Variants in PCDH9 observed in about 807,000 individuals in gnomAD.
PCDH9 encodes the protein protocadherin 9.
Under a neutral mutation model 70.6 loss-of-function variants are expected in PCDH9, and 24 were observed. The ratio of observed to expected loss-of-function variants is 0.34; its 90% CI spans 0.25 to 0.48. The LOEUF (loss-of-function observed/expected upper bound fraction) is 0.48. PCDH9 is among the 20% of genes least tolerant of loss of function. The probability of loss-of-function intolerance (pLI) is 0.99; values close to 1 mark genes in which losing one functional copy is unlikely to be tolerated. For synonymous variants in PCDH9, 562 were observed against 558.5 expected (o/e 1.01, Z -0.09); for missense variants, 1,281 against 1,503.6 (o/e 0.85, Z 2.45).
At chr13:66,773,386 T>C (rs1704633950) in intron 3 of PCDH9, among the ~76,000 whole-genome samples, 1 of 152,076 alleles carries the variant, frequency 6.6e-6, no homozygotes, top group South Asian at 2.1e-4. Context: ...CCCAGTACTT[T>C]GGGAGGCCGG....
intron 4 of PCDH9, among the ~76,000 whole-genome samples, chr13:66,436,626 C>T (rs1957871813): frequency 1.3e-5 from 2 of 152,138 alleles, no homozygotes. Flanking sequence ...TCTAACTTTA[C>T]TTCTGAAGTG....
Position 66,636,547 on chromosome 13 carries a change from A to G in PCDH9, c.3139-5136T>C, listed in dbSNP as rs976993388. 9.2e-5 allele frequency among the ~76,000 whole-genome samples: 14 copies of G among 152,140 alleles called. No homozygotes were observed. The East Asian group carries it at 2.5e-3, about 27-fold the overall frequency. On this transcript the variant is annotated intron_variant, in intron 3 of 4. Transcript: ENST00000377865. ...CAGACATTTAAAATAATTATTGTCC[A>G]ATGGAATGTTATACATTGATATTAT... is the stretch of plus-strand genomic sequence containing the variant.
intron 2 of PCDH9, among the ~76,000 whole-genome samples, chr13:67,130,139 CT>C (rs1217614443): frequency 6.6e-6 from 1 of 152,058 alleles, no homozygotes; most frequent in Non-Finnish European, 1.5e-5. Context: ...GCCTACCAGA[CT>C]TAGATTTTCA....
intron 2 of PCDH9, among the ~76,000 whole-genome samples, chr13:67,192,138 A>T (rs2088933114): frequency 6.6e-6 from 1 of 152,140 alleles, no homozygotes; most frequent in Non-Finnish European, 1.5e-5. Flanking sequence ...GTACATATTA[A>T]AAATATAATA....
At chr13:66,410,797 C>T (rs1054304907) in intron 4 of PCDH9, among the ~76,000 whole-genome samples, 12 of 152,146 alleles carry the variant, frequency 7.9e-5, no homozygotes, top group South Asian at 6.2e-4. Context: ...AATAAAATGC[C>T]GATTTTTTTT....
intron 2 of PCDH9, among the ~76,000 whole-genome samples, chr13:67,006,610 G>A (rs986444155): frequency 6.6e-6 from 1 of 152,178 alleles, no homozygotes; most frequent in Non-Finnish European, 1.5e-5. Context: ...GCAGATTGGC[G>A]AAGGGATATA....
chr13:66,548,330 C>G (rs913422681), intron 4 of PCDH9, among the ~76,000 whole-genome samples: 2 of 151,832 alleles, frequency 1.3e-5, no homozygotes, highest in African/African-American at 4.8e-5. Flanking sequence ...TTTGGGAGGC[C>G]AAGGCGGGAG....
At chr13:66,578,381 T>A (rs1405465160) in intron 4 of PCDH9, among the ~76,000 whole-genome samples, 1 of 151,346 alleles carries the variant, frequency 6.6e-6, no homozygotes, top group African/African-American at 2.4e-5. Flanking sequence ...TGAGCTACAT[T>A]TTTTTTTTCG....
chr13:66,611,248 A>C (rs1027931154), intron 4 of PCDH9, among the ~76,000 whole-genome samples: 3 of 152,188 alleles, frequency 2.0e-5, no homozygotes, highest in African/African-American at 7.2e-5. Flanking sequence ...CTAACTGGCA[A>C]ATTCACCCAA....
intron 4 of PCDH9, among the ~76,000 whole-genome samples, chr13:66,372,891 A>T (rs1439580477): frequency 1.3e-5 from 2 of 151,936 alleles, no homozygotes; most frequent in African/African-American, 4.8e-5. Context: ...GGCTGGCTCT[A>T]GTGTTAGGGT....
chr13:66,398,002 G>C (rs141248296), intron 4 of PCDH9, among the ~76,000 whole-genome samples: 1 of 151,966 alleles, frequency 6.6e-6, no homozygotes, highest in African/African-American at 2.4e-5. Context: ...TGTAATCCTA[G>C]TTAATTCAGA....
chr13:66,903,657 C>A (rs1441539118), intron 2 of PCDH9, 52 bp from the exon 3 acceptor site: 1 of 765,724 alleles, frequency 1.3e-6, no homozygotes, highest in Non-Finnish European at 2.3e-6. Flanking sequence ...TTTAGAGTGT[C>A]CATTGAGAGA....
intron 2 of PCDH9, among the ~76,000 whole-genome samples, chr13:67,028,823 TAATCTATA>T (rs1223998052): frequency 6.6e-6 from 1 of 152,150 alleles, no homozygotes; most frequent in Non-Finnish European, 1.5e-5. Flanking sequence ...TTTTAATGAA[TAATCTATA>T]AATTTAAACA....
At chr13:67,121,760 G>A (rs943889567) in intron 2 of PCDH9, among the ~76,000 whole-genome samples, 1 of 152,142 alleles carries the variant, frequency 6.6e-6, no homozygotes, top group African/African-American at 2.4e-5. Flanking sequence ...GCATTTGGTA[G>A]TGCAAAAGAT....
At chr13:66,871,725 A>G (rs2081691118) in intron 3 of PCDH9, among the ~76,000 whole-genome samples, 1 of 152,070 alleles carries the variant, frequency 6.6e-6, no homozygotes, top group Non-Finnish European at 1.5e-5. Context: ...CATTATATAT[A>G]TTTGTTATAT....
intron 4 of PCDH9, among the ~76,000 whole-genome samples, chr13:66,543,050 C>G (rs1018372477): frequency 1.3e-5 from 2 of 151,644 alleles, no homozygotes; most frequent in South Asian, 4.2e-4. Flanking sequence ...GAGTGTTAAT[C>G]AAAATATCTT....
intron 3 of PCDH9, among the ~76,000 whole-genome samples, chr13:66,657,658 G>T (rs1268281115): frequency 1.3e-5 from 2 of 152,162 alleles, no homozygotes; most frequent in Non-Finnish European, 1.5e-5. Context: ...GAGTGCATGT[G>T]CATATGTGAA....
intron 3 of PCDH9, among the ~76,000 whole-genome samples, chr13:66,650,731 C>T (rs1205973561): frequency 1.3e-5 from 2 of 151,892 alleles, no homozygotes; most frequent in African/African-American, 2.4e-5. Flanking sequence ...GCAAAATACA[C>T]ATTATTCTCC....
intron 3 of PCDH9, among the ~76,000 whole-genome samples, chr13:66,714,398 A>G (rs2078841817): frequency 6.6e-6 from 1 of 151,428 alleles, no homozygotes; most frequent in Non-Finnish European, 1.5e-5. Context: ...CGGGAGGTGG[A>G]GCTTGCAGTG....
Sources: allele counts gnomAD v4.1 joint callset (sites outside exome capture counted in the v4.1 genomes callset), GRCh38; gene constraint gnomAD v4.1.1; transcripts MANE v1.5; gene names NCBI Gene and HGNC (gene_info 2026-07-23, HGNC 2026-07-21).